Variants in PDE8B observed in about 807,000 individuals in gnomAD.
PDE8B encodes the protein phosphodiesterase 8B, also known as high affinity cAMP-specific and IBMX-insensitive 3',5'-cyclic phosphodiesterase 8B.
PDE8B carries 26 observed loss-of-function variants against 101.3 expected under a neutral mutation model. The ratio of observed to expected loss-of-function variants is 0.26; its 90% confidence interval spans 0.19 to 0.36. PDE8B has a LOEUF of 0.36. Among genes scored for constraint, PDE8B ranks in the 10% least tolerant of loss-of-function variants. PDE8B has a pLI of 1.00. For missense variants in PDE8B, 810 were observed against 1,163.1 expected (o/e 0.70, Z 4.42); for synonymous variants, 424 against 429.3 (o/e 0.99, Z 0.15).
At position 77,426,996 on chromosome 5, in the gene PDE8B, T is replaced by C. The variant is rs1798253426; in HGVS notation, c.*442T>C. 5.3e-6 allele frequency: 1 copy of C among 189,410 alleles called. No individual in the cohort carries two copies. Among genetic ancestry groups the C allele is most frequent in the African/African-American group, 2.4e-5 (1 of 41,934 alleles). 11.7% of individuals were successfully genotyped at this position (189,410 alleles called of 1,614,324 possible). ...TGACTGTTTTCCTCAAGAACATCGATCTGAAGGATTCATAAGGAGCTTATC... is the reference window on the plus strand; with the variant it reads ...TGACTGTTTTCCTCAAGAACATCGACCTGAAGGATTCATAAGGAGCTTATC... On this transcript the variant is annotated 3_prime_UTR_variant, in exon 22 of 22. Transcript: ENST00000264917.
At chr5:77,131,279 A>T in the PDE8B span, 2 of 152,254 alleles carry the variant, frequency 1.3e-5, no homozygotes, top group Non-Finnish European at 2.9e-5. Context: ...GTGTATCATC[A>T]TAATTTGTCT....
the PDE8B span, chr5:77,165,521 C>T: frequency 6.6e-6 from 1 of 152,176 alleles, no homozygotes; most frequent in East Asian, 1.9e-4. Flanking sequence ...TAAAATAGGT[C>T]TAAGACAGAC....
At chr5:77,240,265 T>C (rs1242441976) in intron 1 of PDE8B, among the ~76,000 whole-genome samples, 2 of 152,196 alleles carry the variant, frequency 1.3e-5, no homozygotes, top group Non-Finnish European at 2.9e-5. Context: ...GCCATTCTCC[T>C]GCCTCAGCCT....
chr5:77,342,073 C>G (rs1219697071), intron 6 of PDE8B, among the ~76,000 whole-genome samples: 1 of 152,156 alleles, frequency 6.6e-6, no homozygotes, highest in East Asian at 1.9e-4. Context: ...GCACGCATAC[C>G]TCACTATTAT....
At chr5:77,216,325 A>G (rs1749698045) in intron 1 of PDE8B, among the ~76,000 whole-genome samples, 2 of 152,196 alleles carry the variant, frequency 1.3e-5, no homozygotes, top group African/African-American at 4.8e-5. Context: ...AAAGAAAAAG[A>G]GATTTAATGG....
At chr5:77,347,068 C>T (rs1437619064) in intron 7 of PDE8B, among the ~76,000 whole-genome samples, 1 of 152,176 alleles carries the variant, frequency 6.6e-6, no homozygotes, top group Admixed American at 6.5e-5. Context: ...TATCTATCCA[C>T]CCATCCATTC....
chr5:77,171,951 T>C, the PDE8B span, among the ~76,000 whole-genome samples: 11 of 152,188 alleles, frequency 7.2e-5, no homozygotes, highest in Non-Finnish European at 1.3e-4. Flanking sequence ...GGAGATGATC[T>C]GGAGGGGCAG....
intron 1 of PDE8B, among the ~76,000 whole-genome samples, chr5:77,238,829 AG>A (rs1392832411): frequency 6.6e-6 from 1 of 152,230 alleles, no homozygotes; most frequent in East Asian, 1.9e-4. Context: ...CAAGGGCAAG[AG>A]AAGATGAATG....
chr5:77,130,453 A>T, the PDE8B span, among the ~76,000 whole-genome samples: 4 of 152,160 alleles, frequency 2.6e-5, no homozygotes, highest in African/African-American at 9.7e-5. Context: ...GTTCCTCATA[A>T]TAGAAAACCC....
chr5:77,306,518 T>C (rs1561500817), intron 1 of PDE8B, among the ~76,000 whole-genome samples: 1 of 152,178 alleles, frequency 6.6e-6, no homozygotes, highest in Admixed American at 6.5e-5. Context: ...AAGTTGGACT[T>C]GAACCATTGT....
intron 1 of PDE8B, among the ~76,000 whole-genome samples, chr5:77,215,891 T>C (rs1032709307): frequency 6.6e-6 from 1 of 152,056 alleles, no homozygotes; most frequent in African/African-American, 2.4e-5. Context: ...AATCTAGAAA[T>C]TAGTGGTTCA....
intron 7 of PDE8B, among the ~76,000 whole-genome samples, chr5:77,347,431 A>G (rs1780337160): frequency 2.0e-5 from 3 of 152,236 alleles, no homozygotes; most frequent in African/African-American, 7.2e-5. Context: ...AAGGGCCATG[A>G]CTTCTACCCA....
rs1020480327 is a variant in PDE8B at position 77,426,743 on chromosome 5, A to G, written c.*189A>G. 4.9e-6 allele frequency: 3 copies of G among 613,536 alleles called. No individual in the cohort carries two copies. Among genetic ancestry groups the G allele is most frequent in the Non-Finnish European group, 5.9e-6 (2 of 340,502 alleles). The allele number at this position is 613,536 out of a possible 1,614,324, so 38.0% of individuals were successfully genotyped here. ...AAAGTTATGTTCCATGAAGAAAAAT[A>G]TATGTTCTTTTGAATACTTAATGAC... On this transcript the variant is annotated 3_prime_UTR_variant, in exon 22 of 22. Coordinates refer to ENST00000264917, the MANE Select transcript of PDE8B (RefSeq NM_003719.5).
In PDE8B at chr5:77,325,682, A is replaced by G; in HGVS notation, c.543A>G (p.Val181=). 2 of 1,613,824 alleles carry G rather than the reference A, an allele frequency of 1.2e-6. No individual in the cohort carries two copies. Among genetic ancestry groups the G allele is most frequent in the Non-Finnish European group, 1.7e-6 (2 of 1,179,704 alleles). ...TTGATAAGCATCATGAAATTATTGT[A>G]ATTGATCATAGACAAACTCAGAACT... ...CFLDKHHEII[V]IDHRQTQNFD... Residue 181 remains valine, a synonymous_variant, in exon 3 of 22, where the codon GTA becomes GTG. Transcript: ENST00000264917.
rs555228147 is a variant in PDE8B at position 77,409,115 on chromosome 5, A to C, written c.1530+58A>C. The C allele has an allele frequency of 1.5e-3, 2,214 of 1,446,900 alleles. 4 individuals carry two copies. Among genetic ancestry groups the C allele is most frequent in the Non-Finnish European group, 2.0e-3 (2,110 of 1,030,414 alleles). The allele number at this position is 1,446,900 out of a possible 1,614,324, so 89.6% of individuals were successfully genotyped here. A position where few individuals can be genotyped will look rare whatever the true frequency, so the allele number is the denominator to read the frequency against. ...GAGGTATCCGGGGCCTCTAGAGTGC[A>C]GCTGATGTGGAAACTGTTACCTGTG... On this transcript the variant is annotated intron_variant, in intron 14 of 21. Coordinates refer to ENST00000264917, the MANE Select transcript of PDE8B (RefSeq NM_003719.5).
chr5:77,095,717 T>A, the PDE8B span, among the ~76,000 whole-genome samples: 1 of 152,174 alleles, frequency 6.6e-6, no homozygotes, highest in Non-Finnish European at 1.5e-5. Flanking sequence ...CTTACACTTA[T>A]CCATTTGTAA....
At chr5:77,151,737 C>T in the PDE8B span, among the ~76,000 whole-genome samples, 6 of 152,330 alleles carry the variant, frequency 3.9e-5, no homozygotes, top group South Asian at 1.2e-3. Flanking sequence ...CCAGACAGCT[C>T]ACTTCACCAC....
chr5:77,184,287 A>C, the PDE8B span, among the ~76,000 whole-genome samples: 2 of 152,202 alleles, frequency 1.3e-5, no homozygotes, highest in African/African-American at 4.8e-5. Flanking sequence ...TTAAATACAT[A>C]CTGCTAACTT....
the PDE8B span, among the ~76,000 whole-genome samples, chr5:77,109,593 G>A: frequency 9.2e-5 from 14 of 152,156 alleles, no homozygotes; most frequent in Non-Finnish European, 1.8e-4. Context: ...TCTCTACCTG[G>A]GAATTTTCGG....
Sources: gnomAD v4.1 joint callset for allele counts (sites outside exome capture counted in the v4.1 genomes callset) on GRCh38, gnomAD v4.1.1 for gene constraint, MANE v1.5 for transcripts, NCBI Gene and HGNC (gene_info 2026-07-23, HGNC 2026-07-21) for gene names.